The following C16orf89 variants were observed in gnomAD, a reference collection of about 807,000 sequenced individuals.
The protein encoded by C16orf89 is chromosome 16 open reading frame 89, also known as UPF0764 protein C16orf89.
A neutral mutation model predicts 41.5 loss-of-function variants in C16orf89; 57 were observed. The ratio of observed to expected loss-of-function variants is 1.38; its 90% CI spans 1.11 to 1.71. The LOEUF is 1.71. Ranked by LOEUF, C16orf89 falls within the 40% of genes most tolerant of loss-of-function variation. The pLI, the probability that C16orf89 is intolerant of heterozygous loss-of-function variation, is 0.00. For missense variants in C16orf89, 575 were observed against 445.9 expected, an observed-to-expected ratio of 1.29 and a Z score of -2.61; for synonymous variants, 223 against 190.6, an observed-to-expected ratio of 1.17 and a Z score of -1.40.
At chr16:5,061,266 A>AG (rs1956615334) in intron 2 of C16orf89, among the ~76,000 whole-genome samples, 1 of 138,636 alleles carries the variant, frequency 7.2e-6, no homozygotes, top group Admixed American at 7.7e-5. Context: ...CATCTCAAGA[A>AG]AAAAAAAAAA....
chr16:5,064,131 A>G (rs1956687351), intron 1 of C16orf89, among the ~76,000 whole-genome samples: 1 of 151,724 alleles, frequency 6.6e-6, no homozygotes, highest in Non-Finnish European at 1.5e-5. Context: ...TCTCAAAATA[A>G]TAATAATATA....
intron 4 of C16orf89, 70 bp from the exon 5 acceptor site, chr16:5,056,258 A>G (rs1012893113): frequency 6.9e-7 from 1 of 1,449,748 alleles, no homozygotes; most frequent in Non-Finnish European, 9.5e-7. Context: ...CTGCTATGGG[A>G]AAGTCTTGCA....
intron 7 of C16orf89, 95 bp downstream of exon 7, chr16:5,047,783 T>C: frequency 1.3e-6 from 1 of 760,466 alleles, no homozygotes. Flanking sequence ...TGATGCCAAG[T>C]GCTTTTCTTC....
intron 2 of C16orf89, 25 bp from the exon 3 acceptor site, chr16:5,060,461 G>C: frequency 1.2e-6 from 2 of 1,602,116 alleles, no homozygotes; most frequent in South Asian, 1.1e-5. Context: ...AGATAGATGG[G>C]GTGGGGTGTG....
intron 6 of C16orf89, among the ~76,000 whole-genome samples, chr16:5,052,391 A>G (rs1956414574): frequency 6.6e-6 from 1 of 152,124 alleles, no homozygotes; most frequent in Non-Finnish European, 1.5e-5. Flanking sequence ...GGAATTCTGG[A>G]TCAGCTTGGG....
intron 6 of C16orf89, among the ~76,000 whole-genome samples, chr16:5,054,742 G>A (rs1456010141): frequency 1.3e-5 from 2 of 152,112 alleles, no homozygotes; most frequent in Non-Finnish European, 2.9e-5. Flanking sequence ...CATGGGGGCC[G>A]TTTCCCCCAT....
intron 1 of C16orf89, 47 bp downstream of exon 1, chr16:5,065,654 A>T (rs1288818257): frequency 6.4e-7 from 1 of 1,554,540 alleles, no homozygotes; most frequent in Non-Finnish European, 8.8e-7. Flanking sequence ...GACAAAGCTG[A>T]GAGCTAGCTT....
Position 5,044,160 on chromosome 16 carries a change from GGT to G in C16orf89, c.*186_*187del. 5 of 1,349,770 alleles carry G rather than the reference GGT, an allele frequency of 3.7e-6. No individual in the cohort carries two copies. Among genetic ancestry groups the G allele is most frequent in the Non-Finnish European group, 4.7e-6 (5 of 1,055,104 alleles). The allele number at this position is 1,349,770 out of a possible 1,614,324, so 83.6% of individuals were successfully genotyped here. A position where few individuals can be genotyped will look rare whatever the true frequency, so the allele number is the denominator to read the frequency against. On this transcript the variant is annotated 3_prime_UTR_variant, in exon 8 of 8. Transcript: ENST00000472572. Reference sequence around the variant, plus strand: ...AACTTTATTCATCCGTTCACACCTGGGTCCCTCCCGGCCCCCACCTACCCTGG... The same window carrying G: ...AACTTTATTCATCCGTTCACACCTGGCCCTCCCGGCCCCCACCTACCCTGG...
intron 5 of C16orf89, chr16:5,055,666 G>C: frequency 6.5e-7 from 1 of 1,530,900 alleles, no homozygotes; most frequent in Admixed American, 2.0e-5. Flanking sequence ...ATAAGGCTTT[G>C]TGGGTCTGTC....
chr16:5,048,999 T>C (rs1206367676), intron 6 of C16orf89, among the ~76,000 whole-genome samples: 2 of 152,026 alleles, frequency 1.3e-5, no homozygotes, highest in African/African-American at 2.4e-5. Context: ...AAGACACATA[T>C]GGAATGAAAG....
At chr16:5,065,677 C>T in intron 1 of C16orf89, 24 bp downstream of exon 1, 1 of 1,597,836 alleles carries the variant, frequency 6.3e-7, no homozygotes, top group East Asian at 2.2e-5. Flanking sequence ...CAGTGTCCAG[C>T]CAGAGGAATT....
At chr16:5,048,932 G>C (rs935262204) in intron 6 of C16orf89, among the ~76,000 whole-genome samples, 40 of 149,134 alleles carry the variant, frequency 2.7e-4, no homozygotes, top group African/African-American at 8.9e-4. Flanking sequence ...GTGGCTGAAT[G>C]AATGAAAAAA....
At chr16:5,060,521 C>A (rs546394361) in intron 2 of C16orf89, 85 bp from the exon 3 acceptor site, 25 of 1,381,302 alleles carry the variant, frequency 1.8e-5, no homozygotes, top group Admixed American at 2.3e-5. Context: ...CCTCCTCCTG[C>A]AGCCCTGCCC....
chr16:5,060,387 C>T lies in C16orf89; in HGVS notation c.408G>A (p.Trp136Ter), dbSNP rs772051311. The T allele has an allele frequency of 1.2e-6, 2 of 1,613,430 alleles. No homozygotes were observed. Among genetic ancestry groups the T allele is most frequent in the East Asian group, 2.2e-5 (1 of 44,602 alleles). The change falls in exon 3 of 8, where the codon TGG becomes TGA. Residue 136 changes from tryptophan to a stop codon, truncating the protein, a stop_gained. Coordinates refer to ENST00000472572, the MANE Select transcript of C16orf89 (RefSeq NM_001098514.3). LOFTEE classifies it high-confidence loss of function. ...QPGFWKLPHA[W>*]IHTDASLVYP... ...ACACCAAGGAGGCATCAGTGTGGAT[C>T]CAGGCATGTGGGAGCTTCCAAAACC...
intron 3 of C16orf89, among the ~76,000 whole-genome samples, chr16:5,059,071 C>G (rs1020749366): frequency 3.3e-5 from 5 of 151,868 alleles, no homozygotes; most frequent in African/African-American, 4.8e-5. Context: ...GAAACCCTGT[C>G]TCTACAAAAA....
intron 2 of C16orf89, among the ~76,000 whole-genome samples, chr16:5,061,432 CAAAAAAAAAAAAAAAA>C (rs59903296): frequency 1.6e-4 from 4 of 25,250 alleles, no homozygotes; most frequent in East Asian, 7.6e-4. Context: ...GACTCTGTCT[CAAAAAAAAAAAAAAAA>C]AAAAAAAAAA....
chr16:5,062,628 T>C (rs1956651321), intron 1 of C16orf89, 54 bp from the exon 2 acceptor site: 1 of 1,500,648 alleles, frequency 6.7e-7, no homozygotes, highest in Non-Finnish European at 9.0e-7. Context: ...GACCTTTTTT[T>C]GCCTTGGAAC....
chr16:5,049,935 G>C (rs979477296), intron 6 of C16orf89, among the ~76,000 whole-genome samples: 2 of 151,994 alleles, frequency 1.3e-5, no homozygotes, highest in African/African-American at 2.4e-5. Flanking sequence ...AAGATCAACA[G>C]ATAAATTATT....
At chr16:5,053,127 T>C (rs921871310) in intron 6 of C16orf89, among the ~76,000 whole-genome samples, 1 of 152,070 alleles carries the variant, frequency 6.6e-6, no homozygotes, top group African/African-American at 2.4e-5. Flanking sequence ...CCCAGCACTT[T>C]GGGAGGCCGA....
Sources: allele counts gnomAD v4.1 joint callset (sites outside exome capture counted in the v4.1 genomes callset), GRCh38; gene constraint gnomAD v4.1.1; transcripts MANE v1.5; gene names NCBI Gene and HGNC (gene_info 2026-07-23, HGNC 2026-07-21).